KIAA0586: variants seen among roughly 807,000 people sequenced by gnomAD.
KIAA0586 encodes protein TALPID3.
In KIAA0586, 144 loss-of-function variants were observed where a neutral mutation model predicts 169.8. The ratio of observed to expected loss-of-function variants is 0.85; its 90% confidence interval spans 0.74 to 0.97. KIAA0586 has a LOEUF of 0.97. KIAA0586 is among the 50% of genes least tolerant of loss of function. The pLI is 0.00. For synonymous variants in KIAA0586, 625 were observed against 612.4 expected (o/e 1.02, Z -0.30); for missense variants, 1,854 against 1,823.0 (o/e 1.02, Z -0.31).
At chr14:58,552,105 TCTCC>T (rs371365571), downstream of KIAA0586, among the ~76,000 whole-genome samples, 95 of 152,278 alleles carry the variant, frequency 6.2e-4, no homozygotes, top group African/African-American at 2.2e-3. Context: ...AGAAATTCTG[TCTCC>T]CCCTAATATG....
intron 30 of KIAA0586, among the ~76,000 whole-genome samples, chr14:58,544,633 T>C (rs1292376566): frequency 1.3e-5 from 2 of 152,244 alleles, no homozygotes; most frequent in East Asian, 3.8e-4. Context: ...TATTGAGCTT[T>C]TATTCATATA....
chr14:58,452,036 C>G (rs1720981166), intron 8 of KIAA0586, among the ~76,000 whole-genome samples: 1 of 152,102 alleles, frequency 6.6e-6, no homozygotes. Context: ...CATGTATTAA[C>G]CAAACATCAT....
Position 58,428,145 on chromosome 14 carries a change from G to T in KIAA0586, c.-120G>T. 6.8e-7 allele frequency: 1 copy of T among 1,476,614 alleles called. No homozygotes were observed. The highest frequency in any genetic ancestry group is 1.4e-5 in the South Asian group (1 of 69,168). The allele number at this position is 1,476,614 out of a possible 1,614,324, so 91.5% of individuals were successfully genotyped here. ...TCAGAATTTAGATTTTCAGCTTTGT[G>T]GATGTTCGACATTTTAAAAACAGTT... On this transcript the variant is annotated 5_prime_UTR_variant, in exon 1 of 31. Coordinates refer to ENST00000652326, the MANE Select transcript of KIAA0586 (RefSeq NM_001329943.3).
the KIAA0586 span, among the ~76,000 whole-genome samples, chr14:58,560,860 T>C: frequency 6.6e-6 from 1 of 152,250 alleles, no homozygotes; most frequent in Admixed American, 6.5e-5. Context: ...GGCATTAAAC[T>C]AAGATTCTTT....
chr14:58,460,237 G>T (rs1039494891), intron 13 of KIAA0586, among the ~76,000 whole-genome samples, 167 bp downstream of exon 13: 3 of 152,066 alleles, frequency 2.0e-5, no homozygotes, highest in Non-Finnish European at 4.4e-5. Flanking sequence ...GATTTATAAT[G>T]TGAAAAGCAC....
rs1190339119 is a variant in KIAA0586 at position 58,531,361 on chromosome 14, A to AT, written c.4430-8710_4430-8709insT. On this transcript the variant is annotated intron_variant, in intron 29 of 30. Transcript: ENST00000652326. ...AAAAAATAAAATAAATAAAAAATAAAAAAAAATTGGGCAAAGGATATCAAC... is the reference window on the plus strand; with the variant it reads ...AAAAAATAAAATAAATAAAAAATAAATAAAAAATTGGGCAAAGGATATCAAC... Among the ~76,000 whole-genome samples the AT allele has an allele frequency of 3.2e-3, 491 of 151,740 alleles. 5 individuals carry two copies. The highest frequency in any genetic ancestry group is 0.011 in the African/African-American group (470 of 41,512).
intron 16 of KIAA0586, among the ~76,000 whole-genome samples, chr14:58,469,000 T>C (rs1418551992): frequency 6.6e-6 from 1 of 152,162 alleles, no homozygotes; most frequent in African/African-American, 2.4e-5. Flanking sequence ...AGCTGTCGGA[T>C]GCCACCACAT....
downstream of KIAA0586, among the ~76,000 whole-genome samples, chr14:58,551,567 G>T (rs1385866296): frequency 6.6e-6 from 1 of 152,042 alleles, no homozygotes; most frequent in Non-Finnish European, 1.5e-5. Context: ...TTCGAGACCA[G>T]TCTGGCCAAC....
the KIAA0586 span, among the ~76,000 whole-genome samples, chr14:58,561,630 G>T: frequency 2.6e-5 from 4 of 152,114 alleles, no homozygotes; most frequent in Non-Finnish European, 5.9e-5. Context: ...CCTAGGATGA[G>T]AATTAATTAA....
intron 15 of KIAA0586, among the ~76,000 whole-genome samples, chr14:58,466,597 G>A (rs1167934927): frequency 6.6e-6 from 1 of 152,032 alleles, no homozygotes; most frequent in African/African-American, 2.4e-5. Flanking sequence ...GGGCTTGATG[G>A]CTAACACCTG....
chr14:58,492,852 C>G (rs1254897475), intron 26 of KIAA0586, among the ~76,000 whole-genome samples: 2 of 152,210 alleles, frequency 1.3e-5, no homozygotes, highest in Non-Finnish European at 2.9e-5. Context: ...TAAGGGATGA[C>G]AGCCAAGAAA....
At position 58,549,675 on chromosome 14, in the gene KIAA0586, T is replaced by C. The variant is rs1188521415; in HGVS notation, c.*1743T>C. On this transcript the variant is annotated 3_prime_UTR_variant, in exon 31 of 31. Coordinates refer to ENST00000652326, the MANE Select transcript of KIAA0586 (RefSeq NM_001329943.3). ...AAGAAAAATTCTGCTCTGTGGATTTTAATTTGTTTTTGATATTCATCTACA... is the reference window on the plus strand; with the variant it reads ...AAGAAAAATTCTGCTCTGTGGATTTCAATTTGTTTTTGATATTCATCTACA... The C allele has an allele frequency of 6.6e-6, 1 of 152,254 alleles. No individual in the cohort carries two copies. The highest frequency in any genetic ancestry group is 2.4e-5 in the African/African-American group (1 of 41,456). 9.4% of individuals were successfully genotyped at this position (152,254 alleles called of 1,614,324 possible). A position where few individuals can be genotyped will look rare whatever the true frequency, so the allele number is the denominator to read the frequency against.
At chr14:58,538,704 A>G (rs1376812212) in intron 29 of KIAA0586, among the ~76,000 whole-genome samples, 1 of 148,430 alleles carries the variant, frequency 6.7e-6, no homozygotes, top group Non-Finnish European at 1.5e-5. Context: ...CCCATTAACC[A>G]TTCCCACTTC....
intron 16 of KIAA0586, among the ~76,000 whole-genome samples, 162 bp downstream of exon 16, chr14:58,468,084 C>T (rs984702926): frequency 1.3e-5 from 2 of 152,016 alleles, no homozygotes; most frequent in Non-Finnish European, 2.9e-5. Context: ...TTGCTCTTGT[C>T]GCCCAGTCTG....
chr14:58,477,941 CTTGT>C (rs2041771796), intron 20 of KIAA0586, among the ~76,000 whole-genome samples: 1 of 151,668 alleles, frequency 6.6e-6, no homozygotes, highest in Non-Finnish European at 1.5e-5. Context: ...CCACCTCCTC[CTTGT>C]TTTTTTGAGG....
chr14:58,543,308 G>C (rs2046775632), intron 30 of KIAA0586, among the ~76,000 whole-genome samples: 1 of 151,940 alleles, frequency 6.6e-6, no homozygotes, highest in African/African-American at 2.4e-5. Flanking sequence ...TGTTATATTA[G>C]ATGTTTATTT....
intron 4 of KIAA0586, among the ~76,000 whole-genome samples, chr14:58,434,672 T>G (rs1393261140): frequency 9.9e-5 from 15 of 152,266 alleles, no homozygotes; most frequent in Non-Finnish European, 2.2e-4. Flanking sequence ...ACACAGTGAT[T>G]GGAATGCAGC....
chr14:58,535,335 C>G (rs1220441951), intron 29 of KIAA0586, among the ~76,000 whole-genome samples: 1 of 148,716 alleles, frequency 6.7e-6, no homozygotes, highest in African/African-American at 2.4e-5. Flanking sequence ...GCTGGAATGT[C>G]CCTCTAGACA....
chr14:58,482,564 C>T lies in KIAA0586; in HGVS notation c.2996C>T (p.Pro999Leu), dbSNP rs756917324. ...CAGCTTTTTGTTGATGCTGGTGTTCCTGTGAACTCAAATGTGATTAAACAT... is the reference window on the plus strand; with the variant it reads ...CAGCTTTTTGTTGATGCTGGTGTTCTTGTGAACTCAAATGTGATTAAACAT... ...ALQLFVDAGV[P>L]VNSNVIKHFV... Residue 999 changes from proline to leucine, a missense_variant, in exon 21 of 31, where the codon CCT becomes CTT. Physicochemically the swap from Pro to Leu is moderately conservative, Grantham distance 98. Coordinates refer to ENST00000652326, the MANE Select transcript of KIAA0586 (RefSeq NM_001329943.3). 4 of 1,589,398 alleles carry T rather than the reference C, an allele frequency of 2.5e-6. No individual in the cohort carries two copies. Among genetic ancestry groups the T allele is most frequent in the South Asian group, 1.1e-5 (1 of 87,470 alleles).
Sources: gnomAD v4.1 joint callset for allele counts (sites outside exome capture counted in the v4.1 genomes callset) on GRCh38, gnomAD v4.1.1 for gene constraint, MANE v1.5 for transcripts, NCBI Gene and HGNC (gene_info 2026-07-23, HGNC 2026-07-21) for gene names.